The following ZNF700 variants were observed in gnomAD, a reference collection of about 807,000 sequenced individuals.
ZNF700 encodes zinc finger protein 700.
ZNF700 carries 38 observed loss-of-function variants against 65.3 expected under a neutral mutation model. The ratio of observed to expected loss-of-function variants is 0.58; its 90% CI spans 0.45 to 0.76. The LOEUF (loss-of-function observed/expected upper bound fraction) is 0.76, where lower values mean the gene tolerates loss of function less well. Ranked by LOEUF, ZNF700 falls within the 30% of genes least tolerant of loss-of-function variation. The probability of loss-of-function intolerance (pLI) is 0.00; values close to 1 mark genes in which losing one functional copy is unlikely to be tolerated. For missense variants in ZNF700, 857 were observed against 888.4 expected, an observed-to-expected ratio of 0.96 and a Z score of 0.45; for synonymous variants, 285 against 290.4, an observed-to-expected ratio of 0.98 and a Z score of 0.19.
intron 1 of ZNF700, among the ~76,000 whole-genome samples, chr19:11,926,125 A>C (rs575321554): frequency 6.6e-5 from 10 of 152,208 alleles, no homozygotes; most frequent in Non-Finnish European, 2.9e-5. Context: ...CATCCCAGCC[A>C]GAAAACAGAC....
chr19:11,925,142 A>G lies in ZNF700; in HGVS notation c.-69A>G. ...CTCGCTGCGCGGGCGGCGGTTGGTA[A>G]CCGGTCAGACCAGCCCGAGAGGGAC... On this transcript the variant is annotated 5_prime_UTR_variant, in exon 1 of 4. Coordinates refer to ENST00000254321, the MANE Select transcript of ZNF700 (RefSeq NM_144566.3). 1.9e-6 allele frequency: 3 copies of G among 1,583,972 alleles called. No homozygotes were observed. The highest frequency in any genetic ancestry group is 1.1e-5 in the South Asian group (1 of 89,600).
Position 11,925,109 on chromosome 19 carries a change from T to C in ZNF700, c.-102T>C. 7.0e-7 allele frequency: 1 copy of C among 1,423,398 alleles called. No homozygotes were observed. The highest frequency in any genetic ancestry group is 9.7e-7 in the Non-Finnish European group (1 of 1,029,270). The allele number at this position is 1,423,398 out of a possible 1,614,324, so 88.2% of individuals were successfully genotyped here. On this transcript the variant is annotated 5_prime_UTR_variant, in exon 1 of 4. Transcript: ENST00000254321. The stretch of plus-strand genomic sequence containing the variant: ...CCGGAAATGGAGGGGGTCGCTTTCC[T>C]CACCTTCCTCGCTGCGCGGGCGGCG...
In ZNF700 at chr19:11,949,605, A is replaced by G. The variant is rs759647272; in HGVS notation, c.1581A>G (p.Glu527=). ...CTGCCAAGTCATTTCAAACACATGA[A>G]AAAACTCACACTGGAGAGAAACCCT... ...FYSAKSFQTH[E]KTHTGEKPYE... is the part of the protein sequence containing the mutation. Residue 527 remains glutamate (E), a synonymous_variant, in exon 4 of 4, where the codon GAA becomes GAG. Transcript: ENST00000254321. 9.9e-6 allele frequency: 16 copies of G among 1,612,884 alleles called. No homozygotes were observed. The highest frequency in any genetic ancestry group is 1.7e-5 in the Admixed American group (1 of 59,670).
At position 11,945,490 on chromosome 19, in the gene ZNF700, T is replaced by C. The variant is rs183829534; in HGVS notation, c.64-1691T>C. On this transcript the variant is annotated intron_variant, in intron 1 of 3. Transcript: ENST00000254321. Reference sequence around the variant, plus strand: ...GGCAAAGGACTATAATTCCAAAGGCTCTCAAGTGCTTGAGGTGGACCTGGA... The same window carrying C: ...GGCAAAGGACTATAATTCCAAAGGCCCTCAAGTGCTTGAGGTGGACCTGGA... 1.0e-3 allele frequency among the ~76,000 whole-genome samples: 157 copies of C among 152,226 alleles called. 3 individuals carry two copies. Among genetic ancestry groups the C allele is most frequent in the African/African-American group, 3.6e-3 (148 of 41,546 alleles).
chr19:11,934,725 C>A (rs568937956), intron 1 of ZNF700, among the ~76,000 whole-genome samples: 1 of 147,548 alleles, frequency 6.8e-6, no homozygotes, highest in Non-Finnish European at 1.5e-5. Context: ...TGAGGTTTTA[C>A]CATGTTGGCC....
intron 2 of ZNF700, 44 bp from the exon 3 acceptor site, chr19:11,947,470 A>AT (rs1568297033): frequency 6.2e-7 from 1 of 1,605,950 alleles, no homozygotes; most frequent in Non-Finnish European, 8.5e-7. Context: ...TTTTTTCACA[A>AT]TTTTATACTG....
At position 11,947,305 on chromosome 19, in the gene ZNF700, T is replaced by A. The variant is rs755640742; in HGVS notation, c.188T>A (p.Ile63Lys). 3.8e-5 allele frequency: 61 copies of A among 1,613,606 alleles called. No individual in the cohort carries two copies. The East Asian group carries it at 1.1e-3, about 29-fold the overall frequency. The change falls in exon 2 of 4, where the codon ATA (isoleucine) becomes AAA (lysine). Residue 63 changes from isoleucine (I) to lysine (K), a missense_variant and splice_region_variant. Physicochemically the swap from Ile to Lys is moderately radical, Grantham distance 102 (BLOSUM62 -3). This residue lies in a region of ZNF700 where 603 missense variants were observed against 619.9 expected (regional missense o/e 0.97). Transcript: ENST00000254321. ...GAAACTTTCAGGAACCTGACCTCTA[T>A]AGGTAAGGATGACAATATTCCTTCC... ...MLETFRNLTS[I>K]GKKWSDQNIE...
chr19:11,948,461 G>T lies in ZNF700; in HGVS notation c.437G>T (p.Arg146Ile), dbSNP rs1483787961. Residue 146 changes from arginine (R) to isoleucine (I), a missense_variant, in exon 4 of 4, where the codon AGA becomes ATA. By Grantham distance (97) the Arg-to-Ile change is moderately conservative. This residue lies in a region of ZNF700 where 603 missense variants were observed against 619.9 expected (regional missense o/e 0.97). Transcript: ENST00000254321. ...IGNSSFNMSI[R>I]GDTGHKAYEY... ...AACTCATCTTTTAATATGAGCATCA[G>T]AGGTGACACTGGACACAAGGCATAT... The T allele has an allele frequency of 6.2e-7, 1 of 1,614,006 alleles. No homozygotes were observed. The highest frequency in any genetic ancestry group is 8.5e-7 in the Non-Finnish European group (1 of 1,180,024).
At chr19:11,930,172 TTCTC>T (rs1433163964) in intron 1 of ZNF700, among the ~76,000 whole-genome samples, 1 of 148,448 alleles carries the variant, frequency 6.7e-6, no homozygotes, top group African/African-American at 2.6e-5. Context: ...GGTGCTCACC[TTCTC>T]TCTCCTAACT....
At chr19:11,933,846 GA>G (rs747851420) in intron 1 of ZNF700, among the ~76,000 whole-genome samples, 11,737 of 106,554 alleles carry the variant, frequency 0.11, 1,771 homozygotes, top group African/African-American at 0.28. Flanking sequence ...CTCCATCTCA[GA>G]AAAAAAAAAA....
At position 11,949,003 on chromosome 19, in the gene ZNF700, A is replaced by C; in HGVS notation, c.979A>C (p.Thr327Pro). Residue 327 changes from threonine (T) to proline (P), a missense_variant, in exon 4 of 4, where the codon ACC (threonine) becomes CCC (proline). Transcript: ENST00000254321. ...YTSSLRRHER[T>P]HSGKKPYECK... ...CAGTTCTCTTCGTAGACATGAAAGGACCCACTCTGGGAAAAAACCGTATGA... is the reference window on the plus strand; with the variant it reads ...CAGTTCTCTTCGTAGACATGAAAGGCCCCACTCTGGGAAAAAACCGTATGA... 4 of 1,606,926 alleles carry C rather than the reference A, an allele frequency of 2.5e-6. No individual in the cohort carries two copies. The highest frequency in any genetic ancestry group is 3.4e-6 in the Non-Finnish European group (4 of 1,178,550).
intron 1 of ZNF700, among the ~76,000 whole-genome samples, chr19:11,926,358 TGGCCAA>T (rs1374221544): frequency 2.6e-5 from 4 of 152,188 alleles, no homozygotes; most frequent in Non-Finnish European, 5.9e-5. Flanking sequence ...CGGGTCCTGT[TGGCCAA>T]GAGCCGGTCA....
At chr19:11,931,726 A>T (rs1972717022) in intron 1 of ZNF700, among the ~76,000 whole-genome samples, 1 of 148,006 alleles carries the variant, frequency 6.8e-6, no homozygotes, top group Admixed American at 6.6e-5. Flanking sequence ...TTTTCCATTT[A>T]TTGCATTTTA....
intron 1 of ZNF700, among the ~76,000 whole-genome samples, chr19:11,931,142 C>G (rs1412654897): frequency 4.0e-5 from 6 of 148,222 alleles, no homozygotes; most frequent in Admixed American, 6.6e-5. Context: ...GATAGTGCCT[C>G]TCTATCTTAG....
intron 1 of ZNF700, among the ~76,000 whole-genome samples, chr19:11,941,719 T>C (rs2145291964): frequency 6.6e-6 from 1 of 152,284 alleles, no homozygotes; most frequent in African/African-American, 2.4e-5. Flanking sequence ...GCTCCCGCCT[T>C]GGTCAGCCCA....
At chr19:11,942,447 T>C (rs1972900059) in intron 1 of ZNF700, among the ~76,000 whole-genome samples, 1 of 152,174 alleles carries the variant, frequency 6.6e-6, no homozygotes, top group Admixed American at 6.6e-5. Context: ...CAGCTCGTTT[T>C]TCTCCCTGGA....
intron 1 of ZNF700, among the ~76,000 whole-genome samples, chr19:11,937,234 C>T (rs191747514): frequency 2.6e-5 from 4 of 152,248 alleles, no homozygotes; most frequent in Non-Finnish European, 4.4e-5. Context: ...GTAAATGATT[C>T]ATTAGGAGGT....
chr19:11,950,419 C>A lies in ZNF700; in HGVS notation c.*166C>A. 1 of 765,042 alleles carries A rather than the reference C, an allele frequency of 1.3e-6. No individual in the cohort carries two copies. Among genetic ancestry groups the A allele is most frequent in the Non-Finnish European group, 2.2e-6 (1 of 444,908 alleles). 47.4% of individuals were successfully genotyped at this position (765,042 alleles called of 1,614,324 possible). ...TAAGCAGTGTGGGAAAGCCTTCATTCCTTTTACTTCTTTTCAATGTCATGA... is the reference window on the plus strand; with the variant it reads ...TAAGCAGTGTGGGAAAGCCTTCATTACTTTTACTTCTTTTCAATGTCATGA... On this transcript the variant is annotated 3_prime_UTR_variant, in exon 4 of 4. Coordinates refer to ENST00000254321, the MANE Select transcript of ZNF700 (RefSeq NM_144566.3).
chr19:11,941,663 C>A (rs1194726664), intron 1 of ZNF700, among the ~76,000 whole-genome samples: 2 of 152,200 alleles, frequency 1.3e-5, no homozygotes, highest in African/African-American at 4.8e-5. Flanking sequence ...CCCCAGTTCC[C>A]GCTCGCGCCT....
Sources: allele counts gnomAD v4.1 joint callset (sites outside exome capture counted in the v4.1 genomes callset), GRCh38; gene constraint gnomAD v4.1.1; regional missense constraint gnomAD v4.1.1; transcripts MANE v1.5; gene names NCBI Gene and HGNC (gene_info 2026-07-23, HGNC 2026-07-21).